Variants in RRP1B observed in about 807,000 individuals in gnomAD.
RRP1B encodes ribosomal RNA processing 1B, also known as ribosomal RNA processing protein 1 homolog B.
RRP1B carries 56 observed loss-of-function variants against 80.2 expected under a neutral mutation model. The observed-to-expected ratio is 0.70, with a 90% CI of 0.56 to 0.87. RRP1B has a LOEUF of 0.87. Among genes scored for constraint, RRP1B ranks in the 40% least tolerant of loss-of-function variants. The probability of loss-of-function intolerance (pLI) is 0.00; values close to 1 mark genes in which losing one functional copy is unlikely to be tolerated. For missense variants in RRP1B, 807 were observed against 939.8 expected (o/e 0.86, Z 1.85); for synonymous variants, 351 against 357.6 (o/e 0.98, Z 0.21).
chr21:43,684,503 G>A, intron 9 of RRP1B, 50 bp from the exon 10 acceptor site: 1 of 1,510,582 alleles, frequency 6.6e-7, no homozygotes, highest in Non-Finnish European at 9.2e-7. Context: ...GGCCAAGTCA[G>A]GCAGTGTTGT....
rs376656890 is a variant in RRP1B, at chr21:43,679,841, T to C, written c.796+2927T>C. Among the ~76,000 whole-genome samples the C allele has an allele frequency of 7.9e-5, 12 of 152,346 alleles. No homozygotes were observed. The East Asian group carries it at 2.1e-3, about 27-fold the overall frequency. ...TTCAGCAGTGTTTTGTAGTTTTCCT[T>C]GTAGAGATCTTTCACATCCTTGGTT... On this transcript the variant is annotated intron_variant, in intron 8 of 15. Transcript: ENST00000340648.
rs545397580 is a variant in RRP1B at position 43,691,565 on chromosome 21, C to T, written c.2083+63C>T. On this transcript the variant is annotated intron_variant, in intron 15 of 15. Coordinates refer to ENST00000340648, the MANE Select transcript of RRP1B (RefSeq NM_015056.3). The surrounding 1 kb of genome is among the most constrained non-coding windows in gnomAD (Gnocchi z 4.2). ...CACAGCTGCAGCTCCTGGCGCGGCT[C>T]GCAGCCTGGTTCCACAAGGCGGTCG... is the stretch of plus-strand genomic sequence containing the variant. 8 of 1,475,810 alleles carry T rather than the reference C, an allele frequency of 5.4e-6. No individual in the cohort carries two copies. In the African/African-American group the frequency reaches 5.5e-5, roughly 10 times the overall value. 91.4% of individuals were successfully genotyped at this position (1,475,810 alleles called of 1,614,324 possible). A position where few individuals can be genotyped will look rare whatever the true frequency, so the allele number is the denominator to read the frequency against.
At chr21:43,675,228 G>A in intron 6 of RRP1B, 65 bp downstream of exon 6, 1 of 1,533,318 alleles carries the variant, frequency 6.5e-7, no homozygotes, top group Non-Finnish European at 8.9e-7. Flanking sequence ...GTAGTCGCCA[G>A]TGAAGTGCTG....
rs571667914 is a variant in RRP1B at position 43,673,372 on chromosome 21, G to A, written c.272-498G>A. Among the ~76,000 whole-genome samples, 147 of 152,230 alleles carry A rather than the reference G, an allele frequency of 9.7e-4. 2 individuals are homozygous for A. The highest frequency in any genetic ancestry group is 3.3e-3 in the African/African-American group (139 of 41,534). On this transcript the variant is annotated intron_variant, in intron 3 of 15. Transcript: ENST00000340648. The stretch of plus-strand genomic sequence containing the variant: ...ACCAAGGCCAGGCACGGTGGCTCAC[G>A]CCTGTAATCCCAGCACTTTGGGAGG...
At chr21:43,669,493 A>G (rs558818615) in intron 1 of RRP1B, among the ~76,000 whole-genome samples, 1 of 152,284 alleles carries the variant, frequency 6.6e-6, no homozygotes, top group East Asian at 1.9e-4. Context: ...GGTCCCCCGC[A>G]TCTCTTGTAA....
intron 10 of RRP1B, among the ~76,000 whole-genome samples, chr21:43,685,134 GACA>G (rs1482430198): frequency 4.6e-5 from 7 of 152,142 alleles, no homozygotes; most frequent in African/African-American, 1.7e-4. Flanking sequence ...TGTCATTGGT[GACA>G]ACAACTGTCT....
At chr21:43,668,739 A>G (rs2082988315) in intron 1 of RRP1B, among the ~76,000 whole-genome samples, 1 of 152,114 alleles carries the variant, frequency 6.6e-6, no homozygotes. Flanking sequence ...GTTTGCATTC[A>G]TCTAGTTTAT....
chr21:43,674,905 TA>T, intron 5 of RRP1B, 128 bp from the exon 6 acceptor site: 1 of 1,313,894 alleles, frequency 7.6e-7, no homozygotes, highest in Non-Finnish European at 1.1e-6. Context: ...TTTTTCCTTG[TA>T]AAATGATTTC....
At chr21:43,671,367 C>CTTTT (rs1021875194) in intron 2 of RRP1B, among the ~76,000 whole-genome samples, 21 of 128,780 alleles carry the variant, frequency 1.6e-4, no homozygotes, top group African/African-American at 5.3e-4. Context: ...ATGAAGTTTT[C>CTTTT]TTTTTTTTTT....
intron 10 of RRP1B, 106 bp downstream of exon 10, chr21:43,684,756 T>C (rs2083057001): frequency 1.1e-6 from 1 of 892,840 alleles, no homozygotes; most frequent in Non-Finnish European, 1.8e-6. Flanking sequence ...CTTCTTTTTT[T>C]GTCCTTTAAT....
At chr21:43,685,989 C>T (rs529143881) in intron 11 of RRP1B, 200 bp downstream of exon 11, 9 of 455,634 alleles carry the variant, frequency 2.0e-5, no homozygotes, top group East Asian at 4.1e-5. Context: ...GGCGTGGTGG[C>T]GTGATCCTGT....
Position 43,693,100 on chromosome 21 carries a change from G to T in RRP1B, c.2084-90G>T, listed in dbSNP as rs1208025469. 4 of 1,367,958 alleles carry T rather than the reference G, an allele frequency of 2.9e-6. No individual in the cohort carries two copies. Among genetic ancestry groups the T allele is most frequent in the Non-Finnish European group, 4.1e-6 (4 of 977,370 alleles). 84.7% of individuals were successfully genotyped at this position (1,367,958 alleles called of 1,614,324 possible). A position where few individuals can be genotyped will look rare whatever the true frequency, so the allele number is the denominator to read the frequency against. Reference sequence around the variant, plus strand: ...CTGCTTCGTCCTAGCAAGTGGGTGGGGTCGGCACCCAGGCAGGACGCTGTC... The same window carrying T: ...CTGCTTCGTCCTAGCAAGTGGGTGGTGTCGGCACCCAGGCAGGACGCTGTC... On this transcript the variant is annotated intron_variant, in intron 15 of 15. Coordinates refer to ENST00000340648, the MANE Select transcript of RRP1B (RefSeq NM_015056.3). This position sits in a 1 kb window ranked among gnomAD's most constrained non-coding sequence, Gnocchi z 4.1.
rs543164242 is a variant in RRP1B at position 43,667,216 on chromosome 21, C to CGTTTGTTT, written c.131-2646_131-2639dup. Among the ~76,000 whole-genome samples the CGTTTGTTT allele has an allele frequency of 7.3e-3, 1,116 of 151,872 alleles. 12 individuals are homozygous for CGTTTGTTT. The highest frequency in any genetic ancestry group is 0.024 in the African/African-American group (981 of 41,328). ...CATCCACTTTCAAGTTTCTTAATAT[C>CGTTTGTTT]GTTTGTTTGTTTGTTTGTTTGTTTG... On this transcript the variant is annotated intron_variant, in intron 1 of 15. Transcript: ENST00000340648.
At chr21:43,679,712 A>AT (rs1480605317) in intron 8 of RRP1B, among the ~76,000 whole-genome samples, 1 of 152,078 alleles carries the variant, frequency 6.6e-6, no homozygotes, top group African/African-American at 2.4e-5. Context: ...GAATCTGTAG[A>AT]TTGCTTTTGC....
Position 43,691,289 on chromosome 21 carries a change from C to T in RRP1B, c.2020-150C>T. The T allele has an allele frequency of 1.6e-6, 1 of 642,552 alleles. No homozygotes were observed. Among genetic ancestry groups the T allele is most frequent in the Non-Finnish European group, 2.7e-6 (1 of 376,388 alleles). 39.8% of individuals were successfully genotyped at this position (642,552 alleles called of 1,614,324 possible). A position where few individuals can be genotyped will look rare whatever the true frequency, so the allele number is the denominator to read the frequency against. ...GGAGGGTCGGTTTCAGTCTTGGCCG[C>T]AGTCCCTTTGGCCTCTCCCTATATG... On this transcript the variant is annotated intron_variant, in intron 14 of 15. Transcript: ENST00000340648. This position sits in a 1 kb window ranked among gnomAD's most constrained non-coding sequence, Gnocchi z 4.2.
chr21:43,681,174 T>C (rs2083041719), intron 8 of RRP1B, among the ~76,000 whole-genome samples: 1 of 151,560 alleles, frequency 6.6e-6, no homozygotes, highest in South Asian at 2.1e-4. Context: ...ACCCAGGAGG[T>C]GGAGGCTGAA....
chr21:43,663,203 T>G (rs1025030780), intron 1 of RRP1B, among the ~76,000 whole-genome samples: 1 of 152,210 alleles, frequency 6.6e-6, no homozygotes, highest in Non-Finnish European at 1.5e-5. Context: ...ATTTGCTCAT[T>G]TCAAAACTTA....
chr21:43,680,235 G>A (rs1196656037), intron 8 of RRP1B, among the ~76,000 whole-genome samples: 2 of 152,126 alleles, frequency 1.3e-5, no homozygotes, highest in Non-Finnish European at 2.9e-5. Context: ...AAATCTGGAA[G>A]GATAAACCAA....
At chr21:43,678,303 A>G (rs923365707) in intron 8 of RRP1B, among the ~76,000 whole-genome samples, 10 of 151,994 alleles carry the variant, frequency 6.6e-5, no homozygotes, top group Admixed American at 2.6e-4. Context: ...GGGATTACAG[A>G]CACCTGCCAC....
Sources: allele counts gnomAD v4.1 joint callset (sites outside exome capture counted in the v4.1 genomes callset), GRCh38; gene constraint gnomAD v4.1.1; non-coding constraint Gnocchi (gnomAD v3.1); transcripts MANE v1.5; gene names NCBI Gene and HGNC (gene_info 2026-07-23, HGNC 2026-07-21).